The following ONECUT3 variants were observed in gnomAD, a reference collection of about 807,000 sequenced individuals.
ONECUT3 encodes the protein one cut domain family member 3.
ONECUT3 carries 11 observed loss-of-function variants against 16.8 expected under a neutral mutation model. The ratio of observed to expected loss-of-function variants is 0.66; its 90% CI spans 0.41 to 1.09. ONECUT3 has a LOEUF of 1.09. Ranked by LOEUF, ONECUT3 falls within the 50% of genes least tolerant of loss-of-function variation. The probability of loss-of-function intolerance (pLI) is 0.00; values close to 1 mark genes in which losing one functional copy is unlikely to be tolerated. For missense variants in ONECUT3, 637 were observed against 629.9 expected (o/e 1.01, Z -0.12); for synonymous variants, 344 against 310.7 (o/e 1.11, Z -1.13).
chr19:1,778,005 A>AC lies in ONECUT3; in HGVS notation c.*2560_*2561insC. On this transcript the variant is annotated 3_prime_UTR_variant, in exon 2 of 2. Transcript: ENST00000382349. ...AGCAAAACTCCCTCTCAAAAAAAAA[A>AC]AAAAAAAAAAAAACTTTAGGTCCAA... The AC allele has an allele frequency of 6.6e-6, 1 of 151,658 alleles. No homozygotes were observed. The highest frequency in any genetic ancestry group is 1.9e-4 in the East Asian group (1 of 5,170). 9.4% of individuals were successfully genotyped at this position (151,658 alleles called of 1,614,324 possible). A position where few individuals can be genotyped will look rare whatever the true frequency, so the allele number is the denominator to read the frequency against.
rs1337018169 is a variant in ONECUT3 at position 1,754,466 on chromosome 19, C to A, written c.804C>A (p.Gly268=). 2.0e-6 allele frequency: 2 copies of A among 985,196 alleles called. No individual in the cohort carries two copies. Among genetic ancestry groups the A allele is most frequent in the Non-Finnish European group, 2.4e-6 (2 of 831,538 alleles). The allele number at this position is 985,196 out of a possible 1,614,324, so 61.0% of individuals were successfully genotyped here. The change falls in exon 1 of 2, where the codon GGC becomes GGA. Residue 268 remains glycine (G), a synonymous_variant. Coordinates refer to ENST00000382349, the MANE Select transcript of ONECUT3 (RefSeq NM_001080488.2). This position sits in a 1 kb window ranked among gnomAD's most constrained non-coding sequence, Gnocchi z 7.4. ...CCCGCGGGCTGCCCGGAGGCGGCGG[C>A]GGCACAGGCAGCGGCGGAGCGGGCA... ...ALARGLPGGG[G]GTGSGGAGSG... is the part of the protein sequence containing the mutation.
chr19:1,772,524 A>T, intron 1 of ONECUT3, among the ~76,000 whole-genome samples: 1 of 151,384 alleles, frequency 6.6e-6, no homozygotes, highest in East Asian at 1.9e-4. Context: ...TCAACGCTAG[A>T]TTTTTTTTCA....
In ONECUT3 at chr19:1,779,416, CAA is replaced by C. The variant is rs1024673655; in HGVS notation, c.*3972_*3973del. 4 of 150,388 alleles carry C rather than the reference CAA, an allele frequency of 2.7e-5. No homozygotes were observed. Among genetic ancestry groups the C allele is most frequent in the East Asian group, 2.0e-4 (1 of 5,116 alleles). 9.3% of individuals were successfully genotyped at this position (150,388 alleles called of 1,614,324 possible). On this transcript the variant is annotated 3_prime_UTR_variant, in exon 2 of 2. Transcript: ENST00000382349. ...AAGGAAGAGAGAGAGAGAGCGAGCG[CAA>C]GAGAGAGAGAGAGGGAGAGAGAGGG...
At position 1,776,028 on chromosome 19, in the gene ONECUT3, C is replaced by G. The variant is rs967183206; in HGVS notation, c.*583C>G. ...CCACCCTCTCCAAAACCAACCCCACCCGCTGGCAGGACGGCCCCTGCGGCC... is the reference window on the plus strand; with the variant it reads ...CCACCCTCTCCAAAACCAACCCCACGCGCTGGCAGGACGGCCCCTGCGGCC... On this transcript the variant is annotated 3_prime_UTR_variant, in exon 2 of 2. Coordinates refer to ENST00000382349, the MANE Select transcript of ONECUT3 (RefSeq NM_001080488.2). The surrounding 1 kb of genome is among the most constrained non-coding windows in gnomAD (Gnocchi z 4.9). 6.6e-6 allele frequency: 1 copy of G among 152,212 alleles called. No individual in the cohort carries two copies. Among genetic ancestry groups the G allele is most frequent in the African/African-American group, 2.4e-5 (1 of 41,410 alleles). 9.4% of individuals were successfully genotyped at this position (152,212 alleles called of 1,614,324 possible). A position where few individuals can be genotyped will look rare whatever the true frequency, so the allele number is the denominator to read the frequency against.
intron 1 of ONECUT3, among the ~76,000 whole-genome samples, chr19:1,761,621 G>A (rs967435093): frequency 6.6e-6 from 1 of 152,250 alleles, no homozygotes; most frequent in South Asian, 2.1e-4. Flanking sequence ...AGCCGGGCAG[G>A]TAGCCCGGCT....
intron 1 of ONECUT3, among the ~76,000 whole-genome samples, chr19:1,768,927 TGAA>T (rs2068022344): frequency 7.6e-6 from 1 of 130,724 alleles, no homozygotes; most frequent in African/African-American, 2.8e-5. Context: ...GTGGTGGAGG[TGAA>T]GGTGGAGGAG....
chr19:1,753,602 A>G lies in ONECUT3; in HGVS notation c.-61A>G, dbSNP rs2050833712. Reference sequence around the variant, plus strand: ...ACCGGGGAGCGGGCGGGAGTCATGCAGCGGCCTTGAGCACTAGGGGCCGGC... The same window carrying G: ...ACCGGGGAGCGGGCGGGAGTCATGCGGCGGCCTTGAGCACTAGGGGCCGGC... On this transcript the variant is annotated 5_prime_UTR_variant, in exon 1 of 2. Coordinates refer to ENST00000382349, the MANE Select transcript of ONECUT3 (RefSeq NM_001080488.2). 6.9e-6 allele frequency: 4 copies of G among 580,932 alleles called. No homozygotes were observed. The highest frequency in any genetic ancestry group is 8.8e-6 in the Non-Finnish European group (4 of 453,084). The allele number at this position is 580,932 out of a possible 1,614,324, so 36.0% of individuals were successfully genotyped here.
At chr19:1,769,010 G>GAAGTGGAGGTGGAGGTAA (rs2068025914) in intron 1 of ONECUT3, among the ~76,000 whole-genome samples, 1 of 144,584 alleles carries the variant, frequency 6.9e-6, no homozygotes, top group Non-Finnish European at 1.5e-5. Flanking sequence ...GGTGGAGGTG[G>GAAGTGGAGGTGGAGGTAA]TGGAGGTGGA....
In ONECUT3 at chr19:1,754,238, G is replaced by A. The variant is rs756453768; in HGVS notation, c.576G>A (p.Leu192=). Residue 192 remains leucine, a synonymous_variant, in exon 1 of 2, where the codon CTG becomes CTA. Transcript: ENST00000382349. This position sits in a 1 kb window ranked among gnomAD's most constrained non-coding sequence, Gnocchi z 7.4. ...GHLYGPYGKE[L]PAMGSPLSPL... is the part of the protein sequence containing the mutation. The stretch of plus-strand genomic sequence containing the variant: ...TCTACGGACCCTACGGCAAGGAGCT[G>A]CCCGCCATGGGGTCGCCGCTGTCGC... The A allele has an allele frequency of 1.8e-6, 2 of 1,087,878 alleles. No homozygotes were observed. 67.4% of individuals were successfully genotyped at this position (1,087,878 alleles called of 1,614,324 possible).
At chr19:1,774,357 G>A (rs549473114) in intron 1 of ONECUT3, among the ~76,000 whole-genome samples, 26 of 151,752 alleles carry the variant, frequency 1.7e-4, no homozygotes, top group Non-Finnish European at 2.6e-4. Flanking sequence ...GAGGCCAGAG[G>A]ATCACTTGAG....
chr19:1,772,212 C>A (rs961093853), intron 1 of ONECUT3, among the ~76,000 whole-genome samples: 1 of 151,636 alleles, frequency 6.6e-6, no homozygotes. Context: ...AGAGTTTCAT[C>A]ATGTTGACCA....
Position 1,775,184 on chromosome 19 carries a change from G to A in ONECUT3, c.1224G>A (p.Lys408=), listed in dbSNP as rs200909698. The stretch of plus-strand genomic sequence containing the variant: ...AGCGCAAGGAACAGGAGCAGCAGAA[G>A]GAGCGCGCCCTGCAGCCCAAGAAGC... The part of the protein sequence containing the change: ...ACKRKEQEQQ[K]ERALQPKKQR... Residue 408 remains lysine, a synonymous_variant, in exon 2 of 2, where the codon AAG becomes AAA. Coordinates refer to ENST00000382349, the MANE Select transcript of ONECUT3 (RefSeq NM_001080488.2). The A allele has an allele frequency of 2.8e-6, 4 of 1,449,866 alleles. No individual in the cohort carries two copies. In the South Asian group the frequency reaches 4.9e-5, roughly 18 times the overall value. The allele number at this position is 1,449,866 out of a possible 1,614,324, so 89.8% of individuals were successfully genotyped here.
rs965238849 is a variant in ONECUT3, at chr19:1,762,212, C to A, written c.1192+7358C>A. Among the ~76,000 whole-genome samples, 4 of 152,210 alleles carry A rather than the reference C, an allele frequency of 2.6e-5. No homozygotes were observed. Among genetic ancestry groups the A allele is most frequent in the Non-Finnish European group, 5.9e-5 (4 of 68,034 alleles). On this transcript the variant is annotated intron_variant, in intron 1 of 1. Coordinates refer to ENST00000382349, the MANE Select transcript of ONECUT3 (RefSeq NM_001080488.2). This position sits in a 1 kb window ranked among gnomAD's most constrained non-coding sequence, Gnocchi z 4.4. The stretch of plus-strand genomic sequence containing the variant: ...CTCGTGCTGGCTGCTGGGGGTCCTG[C>A]GTGCCTTCCGCGCGCCCCCAGCTGC...
At chr19:1,756,406 C>T (rs1376632691) in intron 1 of ONECUT3, among the ~76,000 whole-genome samples, 1 of 152,186 alleles carries the variant, frequency 6.6e-6, no homozygotes, top group East Asian at 1.9e-4. Flanking sequence ...TGTCCTGCTC[C>T]CCTCCCCATG....
intron 1 of ONECUT3, among the ~76,000 whole-genome samples, chr19:1,768,856 G>T (rs1006039726): frequency 1.1e-5 from 1 of 89,194 alleles, no homozygotes; most frequent in Non-Finnish European, 2.3e-5. Flanking sequence ...AGGTGGAGAC[G>T]ATGGAGGAGG....
intron 1 of ONECUT3, among the ~76,000 whole-genome samples, chr19:1,771,229 C>T (rs1012674408): frequency 6.6e-6 from 1 of 152,148 alleles, no homozygotes; most frequent in East Asian, 1.9e-4. Context: ...TAGCTGTCTT[C>T]CAGGGTCCCC....
intron 1 of ONECUT3, among the ~76,000 whole-genome samples, chr19:1,767,391 A>G (rs1360531308): frequency 6.6e-6 from 1 of 151,970 alleles, no homozygotes; most frequent in African/African-American, 2.4e-5. Context: ...CCAAGAGGGC[A>G]GCAGGTCAGA....
At chr19:1,757,801 C>T (rs1315801786) in intron 1 of ONECUT3, among the ~76,000 whole-genome samples, 2 of 151,972 alleles carry the variant, frequency 1.3e-5, no homozygotes, top group East Asian at 3.9e-4. Context: ...GGGAGACGGC[C>T]GGATGCGTCC....
chr19:1,779,083 A>T lies in ONECUT3; in HGVS notation c.*3638A>T, dbSNP rs762040225. 1 of 152,194 alleles carries T rather than the reference A, an allele frequency of 6.6e-6. No homozygotes were observed. The highest frequency in any genetic ancestry group is 2.4e-5 in the African/African-American group (1 of 41,446). The allele number at this position is 152,194 out of a possible 1,614,324, so 9.4% of individuals were successfully genotyped here. ...CCATGCAGGGATCAACACCTCCAGC[A>T]CAATTCCTTCGAGCCTTTGACAATT... On this transcript the variant is annotated 3_prime_UTR_variant, in exon 2 of 2. Coordinates refer to ENST00000382349, the MANE Select transcript of ONECUT3 (RefSeq NM_001080488.2).
Sources: allele counts gnomAD v4.1 joint callset (sites outside exome capture counted in the v4.1 genomes callset), GRCh38; gene constraint gnomAD v4.1.1; non-coding constraint Gnocchi (gnomAD v3.1); transcripts MANE v1.5; gene names NCBI Gene and HGNC (gene_info 2026-07-23, HGNC 2026-07-21).